Variants in RALGAPA1 observed in about 807,000 individuals in gnomAD.
RALGAPA1 encodes the protein Ral GTPase activating protein catalytic subunit alpha 1.
RALGAPA1 carries 52 observed loss-of-function variants against 269.6 expected under a neutral mutation model. That is an observed-to-expected ratio of 0.19 (90% CI 0.15 to 0.24). RALGAPA1 has a LOEUF of 0.24. Among genes scored for constraint, RALGAPA1 ranks in the 10% least tolerant of loss-of-function variants. The pLI is 1.00. For missense variants in RALGAPA1, 1,917 were observed against 3,013.9 expected (o/e 0.64, Z 8.52); for synonymous variants, 817 against 1,008.3 (o/e 0.81, Z 3.60).
intron 35 of RALGAPA1, among the ~76,000 whole-genome samples, chr14:35,623,323 TCACACACACAGACATA>T (rs1410308400): frequency 6.6e-6 from 1 of 151,394 alleles, no homozygotes; most frequent in East Asian, 1.9e-4. Flanking sequence ...TCTCTCTCTC[TCACACACACAGACATA>T]CACACACACA....
Position 35,689,945 on chromosome 14 carries a change from A to G in RALGAPA1, c.2466T>C (p.Ser822=). The G allele has an allele frequency of 6.2e-7, 1 of 1,602,106 alleles. No homozygotes were observed. The highest frequency in any genetic ancestry group is 1.4e-5 in the African/African-American group (1 of 73,918). The change falls in exon 18 of 42, where the codon AGT becomes AGC. Residue 822 remains serine, a synonymous_variant. Coordinates refer to ENST00000680220, the MANE Select transcript of RALGAPA1 (RefSeq NM_001346249.2). ...RSTRVRHFSQ[S]EETGNEVFGA... Reference sequence around the variant, plus strand: ...CAAAAACTTCATTTCCAGTTTCTTCACTTTGTGAAAAATGTCTGACTCTAG... The same window carrying G: ...CAAAAACTTCATTTCCAGTTTCTTCGCTTTGTGAAAAATGTCTGACTCTAG...
At chr14:35,733,294 A>G (rs1312919229) in intron 12 of RALGAPA1, among the ~76,000 whole-genome samples, 1 of 152,144 alleles carries the variant, frequency 6.6e-6, no homozygotes. Context: ...CTTGACCAAC[A>G]TGGAGAAACC....
intron 21 of RALGAPA1, among the ~76,000 whole-genome samples, chr14:35,682,774 C>G (rs1445793386): frequency 6.6e-6 from 1 of 152,128 alleles, no homozygotes; most frequent in Non-Finnish European, 1.5e-5. Context: ...TAGTATTCCA[C>G]TTTGAGTAAT....
intron 31 of RALGAPA1, among the ~76,000 whole-genome samples, chr14:35,645,711 C>A (rs1466924545): frequency 3.6e-5 from 5 of 137,154 alleles, no homozygotes; most frequent in Non-Finnish European, 7.6e-5. Flanking sequence ...GCCTGGGCGA[C>A]AGAGCGAGAC....
chr14:35,807,105 G>A (rs564059954), intron 1 of RALGAPA1, among the ~76,000 whole-genome samples: 1 of 152,034 alleles, frequency 6.6e-6, no homozygotes, highest in African/African-American at 2.4e-5. Context: ...ATAAAGTATG[G>A]CCTTTAATTT....
intron 41 of RALGAPA1, among the ~76,000 whole-genome samples, chr14:35,547,908 T>C (rs2054592903): frequency 6.6e-6 from 1 of 152,138 alleles, no homozygotes; most frequent in Non-Finnish European, 1.5e-5. Context: ...AATTGAGAAT[T>C]ACAGTAACTT....
chr14:35,716,545 C>T (rs1407635422), intron 16 of RALGAPA1, among the ~76,000 whole-genome samples: 2 of 151,798 alleles, frequency 1.3e-5, no homozygotes, highest in African/African-American at 2.4e-5. Flanking sequence ...TACCTATATA[C>T]CATTATCACA....
intron 1 of RALGAPA1, among the ~76,000 whole-genome samples, chr14:35,801,278 CACACAT>C (rs1211858405): frequency 4.1e-5 from 6 of 144,868 alleles, no homozygotes; most frequent in African/African-American, 1.4e-4. Context: ...CACACACACA[CACACAT>C]TTGAGATAGA....
At chr14:35,759,040 A>G (rs1373522665) in intron 6 of RALGAPA1, among the ~76,000 whole-genome samples, 1 of 152,216 alleles carries the variant, frequency 6.6e-6, no homozygotes, top group Non-Finnish European at 1.5e-5. Flanking sequence ...GGTCACAGTG[A>G]GCTGATCATG....
At chr14:35,766,696 A>G in intron 4 of RALGAPA1, 2 of 601,054 alleles carry the variant, frequency 3.3e-6, no homozygotes, top group South Asian at 2.8e-5. Context: ...TTAAAATAAA[A>G]ATATGAAAAT....
At chr14:35,740,535 G>A (rs1392330797) in intron 11 of RALGAPA1, among the ~76,000 whole-genome samples, 4 of 152,254 alleles carry the variant, frequency 2.6e-5, no homozygotes, top group Non-Finnish European at 5.9e-5. Flanking sequence ...GTCAGGGGCT[G>A]TGGCTCCCGC....
intron 26 of RALGAPA1, among the ~76,000 whole-genome samples, chr14:35,670,617 C>T (rs1485115495): frequency 2.6e-5 from 4 of 152,190 alleles, no homozygotes; most frequent in African/African-American, 9.6e-5. Flanking sequence ...AAAAAATCTT[C>T]ACATGCAATT....
At chr14:35,748,441 TG>T in intron 10 of RALGAPA1, 143 bp downstream of exon 10, 1 of 1,008,912 alleles carries the variant, frequency 9.9e-7, no homozygotes, top group South Asian at 3.1e-5. Context: ...CTCAAACTCC[TG>T]GGCTCAAGCG....
intron 33 of RALGAPA1, among the ~76,000 whole-genome samples, chr14:35,631,168 T>C (rs564146145): frequency 2.6e-4 from 39 of 152,294 alleles, no homozygotes; most frequent in African/African-American, 7.9e-4. Flanking sequence ...GTATTCCTCA[T>C]TTTGCACATG....
intron 10 of RALGAPA1, among the ~76,000 whole-genome samples, chr14:35,747,696 C>T (rs1330564580): frequency 2.0e-5 from 3 of 152,184 alleles, no homozygotes; most frequent in Non-Finnish European, 4.4e-5. Flanking sequence ...CTACCACTTA[C>T]TTGCTGAGAC....
chr14:35,683,982 A>G lies in RALGAPA1; in HGVS notation c.4298T>C (p.Phe1433Ser). Residue 1433 changes from phenylalanine (F) to serine (S), a missense_variant, in exon 21 of 42, where the codon TTT becomes TCT. Phe to Ser is a radical substitution (Grantham distance 155). Transcript: ENST00000680220. Reference protein sequence around the residue: ...FQYDGRKFDNFGFGTDTGVTS... With the variant: ...FQYDGRKFDNSGFGTDTGVTS... ...AACCCCAGTGTCGGTTCCAAAGCCA[A>G]AATCTATAGGAAGAAGAAATGTTAT... 2 of 1,607,762 alleles carry G rather than the reference A, an allele frequency of 1.2e-6. No individual in the cohort carries two copies. The highest frequency in any genetic ancestry group is 1.7e-6 in the Non-Finnish European group (2 of 1,177,178).
chr14:35,581,351 A>G (rs1271745960), intron 37 of RALGAPA1, among the ~76,000 whole-genome samples: 1 of 152,128 alleles, frequency 6.6e-6, no homozygotes. Context: ...GTTTTAAAAA[A>G]TTTCTACGAA....
chr14:35,612,778 T>G (rs1452917590), intron 35 of RALGAPA1, among the ~76,000 whole-genome samples: 11 of 152,054 alleles, frequency 7.2e-5, no homozygotes, highest in Non-Finnish European at 1.3e-4. Context: ...GACCTCGTGA[T>G]CCGCCCTCCT....
rs771885608 is a variant in RALGAPA1 at position 35,655,901 on chromosome 14, C to A, written c.5402G>T (p.Cys1801Phe). 3.1e-6 allele frequency: 5 copies of A among 1,613,346 alleles called. No homozygotes were observed. The Admixed American group carries it at 6.7e-5, about 22-fold the overall frequency. ...TTCACAAATCCAAATACCTAAACTA[C>A]AAAGTGCTACACATCTGCAAAAAAG... is the stretch of plus-strand genomic sequence containing the variant. ...PSGPARCVAL[C>F]SLGIWICEEL... The change falls in exon 29 of 42, where the codon TGT becomes TTT. Residue 1801 changes from cysteine (C) to phenylalanine (F), a missense_variant. Transcript: ENST00000680220.
Sources: gnomAD v4.1 joint callset for allele counts (sites outside exome capture counted in the v4.1 genomes callset) on GRCh38, gnomAD v4.1.1 for gene constraint, MANE v1.5 for transcripts, NCBI Gene and HGNC (gene_info 2026-07-23, HGNC 2026-07-21) for gene names.